SDR42E1: variants seen among roughly 807,000 people sequenced by gnomAD.
SDR42E1 encodes short-chain dehydrogenase/reductase family 42E member 1.
A neutral mutation model predicts 2.6 loss-of-function variants in SDR42E1; 5 were observed. The observed-to-expected ratio is 1.94, with a 90% CI of 1.01 to 4.08. SDR42E1 has a LOEUF of 4.08. Among genes scored for constraint, SDR42E1 ranks in the 30% most tolerant of loss-of-function variants. The pLI, the probability that SDR42E1 is intolerant of heterozygous loss-of-function variation, is 0.00. For synonymous variants in SDR42E1, 231 were observed against 188.3 expected (o/e 1.23, Z -1.86); for missense variants, 596 against 478.6 (o/e 1.25, Z -2.29).
chr16:81,997,458 C>T lies in SDR42E1; in HGVS notation c.*1653G>A, dbSNP rs1264995312. 2 of 152,266 alleles carry T rather than the reference C, an allele frequency of 1.3e-5. No homozygotes were observed. Among genetic ancestry groups the T allele is most frequent in the Non-Finnish European group, 2.9e-5 (2 of 68,106 alleles). 9.4% of individuals were successfully genotyped at this position (152,266 alleles called of 1,614,324 possible). On this transcript the variant is annotated 3_prime_UTR_variant, in exon 3 of 3. Coordinates refer to ENST00000328945, the MANE Select transcript of SDR42E1 (RefSeq NM_145168.3). Reference sequence around the variant, plus strand: ...GACACTGTGACATTTGAGGCCAAGTCATAAAGGACAATGCAGCTTCCACCC... The same window carrying T: ...GACACTGTGACATTTGAGGCCAAGTTATAAAGGACAATGCAGCTTCCACCC...
rs1400746194 is a variant in SDR42E1 at position 81,997,797 on chromosome 16, T to G, written c.*1314A>C. 6.6e-6 allele frequency: 1 copy of G among 152,238 alleles called. No individual in the cohort carries two copies. Among genetic ancestry groups the G allele is most frequent in the African/African-American group, 2.4e-5 (1 of 41,468 alleles). The allele number at this position is 152,238 out of a possible 1,614,324, so 9.4% of individuals were successfully genotyped here. A position where few individuals can be genotyped will look rare whatever the true frequency, so the allele number is the denominator to read the frequency against. Reference sequence around the variant, plus strand: ...AGGAAGCTAAGTTCTAAAGGGCTTCTGTTCCTTGGTTAAGGCCACACACGA... The same window carrying G: ...AGGAAGCTAAGTTCTAAAGGGCTTCGGTTCCTTGGTTAAGGCCACACACGA... On this transcript the variant is annotated 3_prime_UTR_variant, in exon 3 of 3. Transcript: ENST00000328945.
chr16:82,006,771 G>C (rs772855401), intron 1 of SDR42E1, among the ~76,000 whole-genome samples: 2 of 152,162 alleles, frequency 1.3e-5, no homozygotes, highest in African/African-American at 4.8e-5. Flanking sequence ...TCCAGTCTAG[G>C]CGACAGAGGG....
At chr16:82,002,300 G>A (rs938512278) in intron 1 of SDR42E1, among the ~76,000 whole-genome samples, 7 of 152,222 alleles carry the variant, frequency 4.6e-5, no homozygotes, top group Non-Finnish European at 8.8e-5. Context: ...TCTCGCCTCC[G>A]CCCTTAAATG....
At position 82,000,843 on chromosome 16, in the gene SDR42E1, A is replaced by G. The variant is rs755449690; in HGVS notation, c.16T>C (p.Ser6Pro). Reference sequence around the variant, plus strand: ...GTAATGAGGACACTTTCCTTTTGAGATCTTTTGGGGTCCATATGTGGCAGT... The same window carrying G: ...GTAATGAGGACACTTTCCTTTTGAGGTCTTTTGGGGTCCATATGTGGCAGT... The part of the protein sequence containing the change: MDPKR[S>P]QKESVLITGG... Residue 6 changes from serine (S) to proline (P), a missense_variant, in exon 2 of 3, where the codon TCT becomes CCT. Ser to Pro is a moderately conservative substitution (Grantham distance 74). Coordinates refer to ENST00000328945, the MANE Select transcript of SDR42E1 (RefSeq NM_145168.3). The G allele has an allele frequency of 6.2e-7, 1 of 1,613,934 alleles. No homozygotes were observed. The highest frequency in any genetic ancestry group is 8.5e-7 in the Non-Finnish European group (1 of 1,179,944).
In SDR42E1 at chr16:81,997,287, G is replaced by A. The variant is rs887426915; in HGVS notation, c.*1824C>T. ...ATGTGGGCAACGTTTCATGGAAAAG[G>A]AAGGATGACTCACATCGGGCCAAGA... On this transcript the variant is annotated 3_prime_UTR_variant, in exon 3 of 3. Transcript: ENST00000328945. The A allele has an allele frequency of 1.3e-5, 2 of 152,206 alleles. No individual in the cohort carries two copies. Among genetic ancestry groups the A allele is most frequent in the Non-Finnish European group, 2.9e-5 (2 of 68,036 alleles). 9.4% of individuals were successfully genotyped at this position (152,206 alleles called of 1,614,324 possible).
At position 81,995,292 on chromosome 16, in the gene SDR42E1, T is replaced by A. The variant is rs1234238822; in HGVS notation, c.*3819A>T. ...CAAGTGCACAAGTGTGAGCATAATT[T>A]TATTGTTAGGCAGGGTTGAGTGATT... is the stretch of plus-strand genomic sequence containing the variant. On this transcript the variant is annotated 3_prime_UTR_variant, in exon 3 of 3. Coordinates refer to ENST00000328945, the MANE Select transcript of SDR42E1 (RefSeq NM_145168.3). 6.6e-6 allele frequency: 1 copy of A among 152,260 alleles called. No homozygotes were observed. The highest frequency in any genetic ancestry group is 1.5e-5 in the Non-Finnish European group (1 of 68,114). 9.4% of individuals were successfully genotyped at this position (152,260 alleles called of 1,614,324 possible). A position where few individuals can be genotyped will look rare whatever the true frequency, so the allele number is the denominator to read the frequency against.
Position 81,999,990 on chromosome 16 carries a change from C to T in SDR42E1, c.303G>A (p.Arg101=). ...AAACCTGGAGGATGTTGTCTGTGCCCCTGACGTTGACTTCTTTGATCAGGT... is the reference window on the plus strand; with the variant it reads ...AAACCTGGAGGATGTTGTCTGTGCCTCTGACGTTGACTTCTTTGATCAGGT... ...NRNLIKEVNV[R]GTDNILQVCQ... The change falls in exon 3 of 3, where the codon AGG becomes AGA. Residue 101 remains arginine (R), a synonymous_variant. Coordinates refer to ENST00000328945, the MANE Select transcript of SDR42E1 (RefSeq NM_145168.3). The T allele has an allele frequency of 6.2e-7, 1 of 1,614,186 alleles. No homozygotes were observed. The highest frequency in any genetic ancestry group is 8.5e-7 in the Non-Finnish European group (1 of 1,180,028).
chr16:82,007,891 C>A (rs1490098235), intron 1 of SDR42E1: 1 of 152,014 alleles, frequency 6.6e-6, no homozygotes, highest in East Asian at 1.9e-4. Flanking sequence ...CAGCAACAAC[C>A]ATGGCTACAC....
In SDR42E1 at chr16:81,995,288, A is replaced by T. The variant is rs1355194201; in HGVS notation, c.*3823T>A. The T allele has an allele frequency of 6.6e-6, 1 of 152,256 alleles. No individual in the cohort carries two copies. Among genetic ancestry groups the T allele is most frequent in the Non-Finnish European group, 1.5e-5 (1 of 68,120 alleles). 9.4% of individuals were successfully genotyped at this position (152,256 alleles called of 1,614,324 possible). ...TCCCCAAGTGCACAAGTGTGAGCATAATTTTATTGTTAGGCAGGGTTGAGT... is the reference window on the plus strand; with the variant it reads ...TCCCCAAGTGCACAAGTGTGAGCATTATTTTATTGTTAGGCAGGGTTGAGT... On this transcript the variant is annotated 3_prime_UTR_variant, in exon 3 of 3. Coordinates refer to ENST00000328945, the MANE Select transcript of SDR42E1 (RefSeq NM_145168.3).
At position 81,990,333 on chromosome 16, in the gene SDR42E1, T is replaced by A. The variant is rs555307239; in HGVS notation, c.*8778A>T. ...AAAAGAAAAGCCACGGTAAATAAACTAATACCTGTTATATGGCAGGAAATC... is the reference window on the plus strand; with the variant it reads ...AAAAGAAAAGCCACGGTAAATAAACAAATACCTGTTATATGGCAGGAAATC... On this transcript the variant is annotated 3_prime_UTR_variant, in exon 3 of 3. Transcript: ENST00000328945. 6.6e-6 allele frequency: 1 copy of A among 152,150 alleles called. No individual in the cohort carries two copies. 9.4% of individuals were successfully genotyped at this position (152,150 alleles called of 1,614,324 possible). A position where few individuals can be genotyped will look rare whatever the true frequency, so the allele number is the denominator to read the frequency against.
chr16:82,007,392 T>A (rs1395324454), intron 1 of SDR42E1, among the ~76,000 whole-genome samples: 2 of 152,316 alleles, frequency 1.3e-5, no homozygotes, highest in East Asian at 3.9e-4. Context: ...CTGCCAGGCA[T>A]TGTGCAACAC....
chr16:82,010,181 T>A (rs759153255), intron 1 of SDR42E1, among the ~76,000 whole-genome samples: 1 of 152,234 alleles, frequency 6.6e-6, no homozygotes, highest in East Asian at 1.9e-4. Flanking sequence ...GAGAATGGAT[T>A]AATACAGGTA....
rs1330959681 is a variant in SDR42E1 at position 81,995,302 on chromosome 16, G to A, written c.*3809C>T. Reference sequence around the variant, plus strand: ...AGTGTGAGCATAATTTTATTGTTAGGCAGGGTTGAGTGATTCAATCTAAGG... The same window carrying A: ...AGTGTGAGCATAATTTTATTGTTAGACAGGGTTGAGTGATTCAATCTAAGG... On this transcript the variant is annotated 3_prime_UTR_variant, in exon 3 of 3. Transcript: ENST00000328945. The A allele has an allele frequency of 1.3e-5, 2 of 152,264 alleles. No individual in the cohort carries two copies. Among genetic ancestry groups the A allele is most frequent in the Non-Finnish European group, 2.9e-5 (2 of 68,130 alleles). The allele number at this position is 152,264 out of a possible 1,614,324, so 9.4% of individuals were successfully genotyped here.
At position 82,003,879 on chromosome 16, in the gene SDR42E1, A is replaced by C. The variant is rs140862984; in HGVS notation, c.-26-2995T>G. On this transcript the variant is annotated intron_variant, in intron 1 of 2. Transcript: ENST00000328945. ...TAGATGCTCAATAAATATTTGTTGAATCTATGGATTATTCTGAACACCCTA... is the reference window on the plus strand; with the variant it reads ...TAGATGCTCAATAAATATTTGTTGACTCTATGGATTATTCTGAACACCCTA... Among the ~76,000 whole-genome samples, 246 of 152,352 alleles carry C rather than the reference A, an allele frequency of 1.6e-3. 1 individual carries two copies. Among genetic ancestry groups the C allele is most frequent in the African/African-American group, 5.4e-3 (224 of 41,580 alleles).
At chr16:82,009,689 G>T (rs761750627) in intron 1 of SDR42E1, among the ~76,000 whole-genome samples, 1 of 152,228 alleles carries the variant, frequency 6.6e-6, no homozygotes, top group Non-Finnish European at 1.5e-5. Flanking sequence ...CCTTGCCTCA[G>T]ATGAGACTTT....
chr16:82,009,675 C>A (rs901862785), intron 1 of SDR42E1, among the ~76,000 whole-genome samples: 3 of 152,212 alleles, frequency 2.0e-5, no homozygotes, highest in African/African-American at 7.2e-5. Context: ...GTGGAAGGGG[C>A]TTGCCTTGCC....
Position 81,991,277 on chromosome 16 carries a change from T to A in SDR42E1, c.*7834A>T, listed in dbSNP as rs1912422430. 6.6e-6 allele frequency: 1 copy of A among 152,226 alleles called. No homozygotes were observed. Among genetic ancestry groups the A allele is most frequent in the South Asian group, 2.1e-4 (1 of 4,828 alleles). The allele number at this position is 152,226 out of a possible 1,614,324, so 9.4% of individuals were successfully genotyped here. On this transcript the variant is annotated 3_prime_UTR_variant, in exon 3 of 3. Coordinates refer to ENST00000328945, the MANE Select transcript of SDR42E1 (RefSeq NM_145168.3). ...TCACATGACAAAATAATGGTTTGCT[T>A]CTGTAACTTAGTTTGTGTAGCAGAA...
At chr16:82,001,959 T>TACACAC (rs200680543) in intron 1 of SDR42E1, among the ~76,000 whole-genome samples, 272 of 131,126 alleles carry the variant, frequency 2.1e-3, no homozygotes, top group African/African-American at 0.01. Context: ...ACTGGGTGCG[T>TACACAC]ATACACACAC....
chr16:82,007,509 A>G (rs1458154035), intron 1 of SDR42E1: 1 of 152,214 alleles, frequency 6.6e-6, no homozygotes, highest in African/African-American at 2.4e-5. Context: ...CCTAACTCCA[A>G]GTCCTACAGC....
Sources: gnomAD v4.1 joint callset for allele counts (sites outside exome capture counted in the v4.1 genomes callset) on GRCh38, gnomAD v4.1.1 for gene constraint, MANE v1.5 for transcripts, NCBI Gene and HGNC (gene_info 2026-07-23, HGNC 2026-07-21) for gene names.